WAPL: variants seen among roughly 807,000 people sequenced by gnomAD.
WAPL encodes WAPL cohesin release factor.
WAPL carries 5 observed loss-of-function variants against 121.0 expected under a neutral mutation model. That is an observed-to-expected ratio of 0.04 (90% CI 0.02 to 0.09). The LOEUF (loss-of-function observed/expected upper bound fraction) is 0.09, where lower values mean the gene tolerates loss of function less well. Ranked by LOEUF, WAPL falls within the 10% of genes least tolerant of loss-of-function variation. The probability of loss-of-function intolerance (pLI) is 1.00; values close to 1 mark genes in which losing one functional copy is unlikely to be tolerated. For synonymous variants in WAPL, 480 were observed against 481.5 expected (o/e 1.00, Z 0.04); for missense variants, 999 against 1,410.8 (o/e 0.71, Z 4.68).
At position 86,467,441 on chromosome 10, in the gene WAPL, A is replaced by G. The variant is rs1194187821; in HGVS notation, c.2208T>C (p.Leu736=). Residue 736 remains leucine, a synonymous_variant, in exon 9 of 19, where the codon CTT becomes CTC. Coordinates refer to ENST00000298767, the MANE Select transcript of WAPL (RefSeq NM_015045.5). ...ILSRDRLNMD[L]DRASLDLMIR... is the part of the protein sequence containing the mutation. ...TCATTAGATCTAAGCTAGCTCTATC[A>G]AGATCCATGTTCAAACGATCTCTAC... The G allele has an allele frequency of 2.5e-6, 4 of 1,614,076 alleles. No individual in the cohort carries two copies. The highest frequency in any genetic ancestry group is 3.4e-6 in the Non-Finnish European group (4 of 1,180,020).
At chr10:86,511,107 G>C (rs1169988464) in intron 2 of WAPL, among the ~76,000 whole-genome samples, 1 of 152,214 alleles carries the variant, frequency 6.6e-6, no homozygotes, top group Admixed American at 6.5e-5. Flanking sequence ...GTATTAACAG[G>C]TGTGAGCCAC....
At chr10:86,452,242 C>G in intron 14 of WAPL, 111 bp from the exon 15 acceptor site, 1 of 1,026,594 alleles carries the variant, frequency 9.7e-7, no homozygotes, top group Non-Finnish European at 1.4e-6. Context: ...AGTGTTCTAC[C>G]ACCTACAAAA....
Position 86,517,980 on chromosome 10 carries a change from G to A in WAPL, c.90C>T (p.Thr30=). ...FDEVFSNKRT[T]LSTKWGETTF... ...TGGTCTCTCCCCATTTTGTGCTAAG[G>A]GTAGTCCGTTTGTTGGAAAAGACTT... The change falls in exon 2 of 19, where the codon ACC becomes ACT. Residue 30 remains threonine, a synonymous_variant. Transcript: ENST00000298767. 3 of 1,614,082 alleles carry A rather than the reference G, an allele frequency of 1.9e-6. No homozygotes were observed. Among genetic ancestry groups the A allele is most frequent in the African/African-American group, 1.3e-5 (1 of 74,998 alleles).
At chr10:86,493,355 T>C (rs1384523647) in intron 4 of WAPL, among the ~76,000 whole-genome samples, 1 of 151,890 alleles carries the variant, frequency 6.6e-6, no homozygotes, top group Non-Finnish European at 1.5e-5. Flanking sequence ...CAAATAAGAC[T>C]GTACATATAC....
intron 16 of WAPL, among the ~76,000 whole-genome samples, chr10:86,444,892 C>CAAAAAAAAAAA (rs35307250): frequency 7.3e-5 from 5 of 68,194 alleles, no homozygotes; most frequent in South Asian, 6.9e-4. Flanking sequence ...GTTATTACGC[C>CAAAAAAAAAAA]AAAAAAAAAA....
At chr10:86,489,338 G>C (rs1841992450) in intron 4 of WAPL, among the ~76,000 whole-genome samples, 1 of 152,144 alleles carries the variant, frequency 6.6e-6, no homozygotes, top group African/African-American at 2.4e-5. Context: ...AATTTGAATG[G>C]GATCTGTGGA....
chr10:86,484,305 C>T (rs968141866), intron 4 of WAPL, among the ~76,000 whole-genome samples: 4 of 151,906 alleles, frequency 2.6e-5, no homozygotes, highest in African/African-American at 9.7e-5. Flanking sequence ...AGACCAGCCT[C>T]GACAACATGG....
intron 12 of WAPL, among the ~76,000 whole-genome samples, chr10:86,458,750 G>A (rs1365772841): frequency 1.3e-5 from 2 of 152,058 alleles, no homozygotes; most frequent in African/African-American, 4.8e-5. Flanking sequence ...CTTGTAAAGA[G>A]CTTGATTTGT....
chr10:86,513,085 T>C (rs375965086), intron 2 of WAPL, among the ~76,000 whole-genome samples: 154 of 152,252 alleles, frequency 1.0e-3, no homozygotes, highest in African/African-American at 3.5e-3. Context: ...CTCGCTCTGT[T>C]GCCCAAGTTG....
intron 4 of WAPL, among the ~76,000 whole-genome samples, chr10:86,491,642 G>A (rs1842051117): frequency 6.6e-6 from 1 of 151,686 alleles, no homozygotes; most frequent in Non-Finnish European, 1.5e-5. Flanking sequence ...AGAAGGCAAG[G>A]GAAGTGCTCA....
chr10:86,488,739 A>C (rs1408794086), intron 4 of WAPL, among the ~76,000 whole-genome samples: 4 of 152,222 alleles, frequency 2.6e-5, no homozygotes, highest in Non-Finnish European at 4.4e-5. Flanking sequence ...AATACATATA[A>C]AAATACATGC....
In WAPL at chr10:86,506,534, G is replaced by C. The variant is rs552250912; in HGVS notation, c.500-5791C>G. ...TCACGCCTGTAATCCCAGCACTTGG[G>C]GTGGGAGGGGCGGCAGGCCAAAGCA... On this transcript the variant is annotated intron_variant, in intron 2 of 18. Transcript: ENST00000298767. Among the ~76,000 whole-genome samples, 124 of 152,298 alleles carry C rather than the reference G, an allele frequency of 8.1e-4. 1 individual carries two copies. The highest frequency in any genetic ancestry group is 2.6e-3 in the African/African-American group (110 of 41,572).
intron 1 of WAPL, among the ~76,000 whole-genome samples, chr10:86,519,506 A>C (rs1466747163): frequency 6.6e-6 from 1 of 150,908 alleles, no homozygotes; most frequent in Non-Finnish European, 1.5e-5. Context: ...ACCCCCCCCC[A>C]TGTTTGGTGA....
chr10:86,500,087 C>T lies in WAPL; in HGVS notation c.1156G>A (p.Ala386Thr). 1.2e-6 allele frequency: 2 copies of T among 1,614,132 alleles called. No individual in the cohort carries two copies. The highest frequency in any genetic ancestry group is 1.7e-6 in the Non-Finnish European group (2 of 1,180,024). ...TMERSMDEFT[A>T]STPADLGEAG... ...TCTCCCAAATCTGCAGGAGTGGATG[C>T]AGTGAACTCATCCATGCTGCGTTCC... Residue 386 changes from alanine to threonine, a missense_variant, in exon 3 of 19, where the codon GCA becomes ACA. Ala to Thr is a moderately conservative substitution (Grantham distance 58). This residue lies in a region of WAPL where 531 missense variants were observed against 563.1 expected (regional missense o/e 0.94). Transcript: ENST00000298767.
chr10:86,448,410 C>A (rs940590851), intron 15 of WAPL, among the ~76,000 whole-genome samples: 5 of 152,094 alleles, frequency 3.3e-5, no homozygotes, highest in African/African-American at 1.2e-4. Flanking sequence ...GTGACTGGAC[C>A]ACTGTACTTC....
At chr10:86,520,291 G>T (rs1204770001) in intron 1 of WAPL, among the ~76,000 whole-genome samples, 1 of 152,084 alleles carries the variant, frequency 6.6e-6, no homozygotes, top group Admixed American at 6.5e-5. Flanking sequence ...GCGAAACTCC[G>T]TCTCAAAATA....
chr10:86,490,570 G>A (rs1171887281), intron 4 of WAPL, among the ~76,000 whole-genome samples: 1 of 151,922 alleles, frequency 6.6e-6, no homozygotes, highest in African/African-American at 2.4e-5. Context: ...TAACATATAA[G>A]CAGACAGTAT....
At chr10:86,459,209 C>T (rs1841216350) in intron 11 of WAPL, 144 bp from the exon 12 acceptor site, 1 of 597,682 alleles carries the variant, frequency 1.7e-6, no homozygotes, top group Non-Finnish European at 2.8e-6. Flanking sequence ...TCACAACCTA[C>T]AGGTTCCAGG....
chr10:86,515,749 T>C (rs1842543053), intron 2 of WAPL, among the ~76,000 whole-genome samples: 1 of 151,408 alleles, frequency 6.6e-6, no homozygotes, highest in African/African-American at 2.4e-5. Flanking sequence ...GCCACTGTAC[T>C]ACAGCCTGGG....
Sources: allele counts gnomAD v4.1 joint callset (sites outside exome capture counted in the v4.1 genomes callset), GRCh38; gene constraint gnomAD v4.1.1; regional missense constraint gnomAD v4.1.1; transcripts MANE v1.5; gene names NCBI Gene and HGNC (gene_info 2026-07-23, HGNC 2026-07-21).